Variants in LGALS14 observed in about 807,000 individuals in gnomAD.
The protein encoded by LGALS14 is placental protein 13-like.
LGALS14 carries 14 observed loss-of-function variants against 14.6 expected under a neutral mutation model. The ratio of observed to expected loss-of-function variants is 0.96; its 90% CI spans 0.64 to 1.50. The LOEUF is 1.50. Ranked by LOEUF, LGALS14 falls within the 40% of genes most tolerant of loss-of-function variation. The pLI is 0.00. For synonymous variants in LGALS14, 57 were observed against 63.9 expected (o/e 0.89, Z 0.51); for missense variants, 180 against 172.0 (o/e 1.05, Z -0.26).
chr19:39,705,646 C>G (rs1290707570), intron 1 of LGALS14: 1 of 281,654 alleles, frequency 3.6e-6, no homozygotes, highest in East Asian at 8.1e-5. Context: ...AATTTGAGAC[C>G]GGTCTAGGCA....
intron 1 of LGALS14, among the ~76,000 whole-genome samples, 156 bp from the exon 2 acceptor site, chr19:39,706,441 C>A (rs1007013265): frequency 6.6e-6 from 1 of 152,118 alleles, no homozygotes; most frequent in Admixed American, 6.5e-5. Context: ...TCCACCATAT[C>A]TTCAGGAATA....
intron 3 of LGALS14, 66 bp from the exon 4 acceptor site, chr19:39,709,131 G>C (rs1973759937): frequency 1.0e-6 from 1 of 956,760 alleles, no homozygotes; most frequent in Non-Finnish European, 1.7e-6. Flanking sequence ...ACTGGGCAGA[G>C]AAGAGAAAGG....
intron 1 of LGALS14, chr19:39,705,986 C>A (rs1235198972): frequency 6.2e-7 from 1 of 1,613,770 alleles, no homozygotes; most frequent in Non-Finnish European, 8.5e-7. Context: ...CTGGGAAGGA[C>A]GTCCATTGCC....
At chr19:39,707,067 T>C in intron 2 of LGALS14, 111 bp from the exon 3 acceptor site, 1 of 807,706 alleles carries the variant, frequency 1.2e-6, no homozygotes, top group South Asian at 1.6e-5. Flanking sequence ...TGCAGTATCA[T>C]CGGGGAGACT....
intron 3 of LGALS14, among the ~76,000 whole-genome samples, chr19:39,707,721 C>A (rs1973737277): frequency 6.6e-6 from 1 of 152,290 alleles, no homozygotes; most frequent in African/African-American, 2.4e-5. Context: ...TGGTTTTAAT[C>A]ATTCAAAAAT....
At chr19:39,706,160 A>AATCATTCTCAGTAAACTATC in intron 1 of LGALS14, 1 of 1,162,784 alleles carries the variant, frequency 8.6e-7, no homozygotes, top group Non-Finnish European at 1.2e-6. Flanking sequence ...AAGGCAGGTC[A>AATCATTCTCAGTAAACTATC]GTGTTTCAGG....
intron 3 of LGALS14, among the ~76,000 whole-genome samples, chr19:39,708,771 G>A (rs989618016): frequency 6.6e-6 from 1 of 152,168 alleles, no homozygotes; most frequent in Non-Finnish European, 1.5e-5. Flanking sequence ...CTCCAAAGAG[G>A]AACTGTGCCA....
In LGALS14 at chr19:39,707,143, G is replaced by T. The variant is rs377017788; in HGVS notation, c.93-35G>T. ...GCGAGTGTGTGTCTGCACAATGGGG[G>T]GACCTGCCCAACATGCTGTGTGCTT... On this transcript the variant is annotated intron_variant, in intron 2 of 3. Transcript: ENST00000392052. The T allele has an allele frequency of 1.3e-5, 20 of 1,515,478 alleles. 1 individual carries two copies. The highest frequency in any genetic ancestry group is 9.6e-5 in the African/African-American group (7 of 72,962). 93.9% of individuals were successfully genotyped at this position (1,515,478 alleles called of 1,614,324 possible).
chr19:39,705,535 T>C (rs996452268), intron 1 of LGALS14, among the ~76,000 whole-genome samples: 2 of 152,198 alleles, frequency 1.3e-5, no homozygotes, highest in Admixed American at 1.3e-4. Flanking sequence ...CAGACAGTGC[T>C]TACTGTGGAC....
intron 1 of LGALS14, among the ~76,000 whole-genome samples, chr19:39,704,855 T>C (rs1026292072): frequency 6.6e-6 from 1 of 152,024 alleles, no homozygotes; most frequent in African/African-American, 2.4e-5. Context: ...TGAGTGAGTG[T>C]AAGGGGGTGA....
chr19:39,708,918 G>A (rs1973757291), intron 3 of LGALS14, among the ~76,000 whole-genome samples: 1 of 152,198 alleles, frequency 6.6e-6, no homozygotes, highest in Admixed American at 6.5e-5. Context: ...CTGGTGATGG[G>A]GATCTTCCAG....
At chr19:39,706,447 G>C in intron 1 of LGALS14, 150 bp from the exon 2 acceptor site, 1 of 646,906 alleles carries the variant, frequency 1.5e-6, no homozygotes, top group Non-Finnish European at 2.8e-6. Flanking sequence ...ATATCTTCAG[G>C]AATATGGGGC....
At chr19:39,708,184 T>G (rs1363106201) in intron 3 of LGALS14, among the ~76,000 whole-genome samples, 1 of 152,092 alleles carries the variant, frequency 6.6e-6, no homozygotes, top group Non-Finnish European at 1.5e-5. Flanking sequence ...CAAATCCTGG[T>G]GTAAGTTGCT....
intron 1 of LGALS14, chr19:39,706,007 G>C (rs1424583505): frequency 6.2e-7 from 1 of 1,613,700 alleles, no homozygotes; most frequent in African/African-American, 1.3e-5. Context: ...CTTGATGATT[G>C]TGGTGCGTGT....
rs1973687169 is a variant in LGALS14 at position 39,704,495 on chromosome 19, A to G, written c.-34A>G. On this transcript the variant is annotated 5_prime_UTR_variant, in exon 1 of 4. Coordinates refer to ENST00000392052, the MANE Select transcript of LGALS14 (RefSeq NM_020129.3). Reference sequence around the variant, plus strand: ...CAGAGATTCACACAGAAGACTGGACACAATTCCGAAGAGCTGCCCAGAAGG... The same window carrying G: ...CAGAGATTCACACAGAAGACTGGACGCAATTCCGAAGAGCTGCCCAGAAGG... 1 of 1,612,448 alleles carries G rather than the reference A, an allele frequency of 6.2e-7. No homozygotes were observed. The highest frequency in any genetic ancestry group is 1.3e-5 in the African/African-American group (1 of 74,908).
intron 1 of LGALS14, chr19:39,705,911 T>C (rs551088873): frequency 6.2e-7 from 1 of 1,613,626 alleles, no homozygotes; most frequent in African/African-American, 1.3e-5. Context: ...TCCAGTTATG[T>C]CCCTGACCCA....
chr19:39,707,779 A>G (rs1410737438), intron 3 of LGALS14, among the ~76,000 whole-genome samples: 2 of 152,144 alleles, frequency 1.3e-5, no homozygotes, highest in African/African-American at 4.8e-5. Flanking sequence ...CACCATTACT[A>G]GAGTTCTGCT....
At chr19:39,708,037 C>T (rs80194418) in intron 3 of LGALS14, among the ~76,000 whole-genome samples, 25,274 of 152,118 alleles carry the variant, frequency 0.17, 2,513 homozygotes, top group South Asian at 0.36. Context: ...CTTCAACTCC[C>T]GACCTTGTGT....
At chr19:39,705,991 A>G (rs1386786209) in intron 1 of LGALS14, 1 of 1,613,880 alleles carries the variant, frequency 6.2e-7, no homozygotes, top group African/African-American at 1.3e-5. Context: ...AAGGACGTCC[A>G]TTGCCCTTGA....
Sources: allele counts gnomAD v4.1 joint callset (sites outside exome capture counted in the v4.1 genomes callset), GRCh38; gene constraint gnomAD v4.1.1; transcripts MANE v1.5; gene names NCBI Gene and HGNC (gene_info 2026-07-23, HGNC 2026-07-21).